Variants in KHDRBS2 observed in about 807,000 individuals in gnomAD.
The protein encoded by KHDRBS2 is KH domain-containing, RNA-binding, signal transduction-associated protein 2.
Under a neutral mutation model 44.3 loss-of-function variants are expected in KHDRBS2, and 26 were observed. The observed-to-expected ratio is 0.59, with a 90% CI of 0.43 to 0.81. The LOEUF (loss-of-function observed/expected upper bound fraction) is 0.81, where lower values mean the gene tolerates loss of function less well. KHDRBS2 is among the 40% of genes least tolerant of loss of function. The probability of loss-of-function intolerance (pLI) is 0.00; values close to 1 mark genes in which losing one functional copy is unlikely to be tolerated. For missense variants in KHDRBS2, 476 were observed against 433.1 expected, an observed-to-expected ratio of 1.10 and a Z score of -0.88; for synonymous variants, 194 against 151.1, an observed-to-expected ratio of 1.28 and a Z score of -2.08.
chr6:61,605,770 A>T, the KHDRBS2 span, among the ~76,000 whole-genome samples: 1 of 152,114 alleles, frequency 6.6e-6, no homozygotes, highest in African/African-American at 2.4e-5. Flanking sequence ...TCACCACCCC[A>T]ACACTTTACC....
At chr6:61,992,959 T>A (rs1345631026) in intron 3 of KHDRBS2, among the ~76,000 whole-genome samples, 1 of 152,146 alleles carries the variant, frequency 6.6e-6, no homozygotes, top group African/African-American at 2.4e-5. Flanking sequence ...ACGGCGTATA[T>A]GGGAGGAAAG....
At chr6:62,061,868 C>T (rs528051269) in intron 2 of KHDRBS2, among the ~76,000 whole-genome samples, 92 of 150,652 alleles carry the variant, frequency 6.1e-4, no homozygotes, top group African/African-American at 2.2e-3. Flanking sequence ...AGGCTTTGCT[C>T]ATTTCTTTTT....
intron 6 of KHDRBS2, among the ~76,000 whole-genome samples, chr6:61,858,247 T>C (rs1796421184): frequency 1.4e-5 from 2 of 144,900 alleles, no homozygotes; most frequent in Non-Finnish European, 3.0e-5. Flanking sequence ...TCATGCAATT[T>C]AAGAAAAAAA....
the KHDRBS2 span, among the ~76,000 whole-genome samples, chr6:61,617,562 A>T: frequency 6.6e-6 from 1 of 152,180 alleles, no homozygotes. Context: ...TGTGATTAGA[A>T]TTAAATGTTA....
At chr6:61,855,516 C>T (rs769488511) in intron 6 of KHDRBS2, among the ~76,000 whole-genome samples, 3 of 151,432 alleles carry the variant, frequency 2.0e-5, no homozygotes, top group Admixed American at 6.6e-5. Flanking sequence ...ATACTAGACC[C>T]TCATGATATA....
At chr6:61,936,825 G>A (rs1811115475) in intron 4 of KHDRBS2, among the ~76,000 whole-genome samples, 1 of 151,928 alleles carries the variant, frequency 6.6e-6, no homozygotes, top group African/African-American at 2.4e-5. Context: ...TCACTGGTGA[G>A]AAATTTGTCA....
the KHDRBS2 span, among the ~76,000 whole-genome samples, chr6:61,644,322 C>G: frequency 1.3e-5 from 2 of 152,118 alleles, no homozygotes; most frequent in Non-Finnish European, 2.9e-5. Context: ...GGATTAAAGA[C>G]TTAAATGTAA....
At chr6:61,594,799 C>T in the KHDRBS2 span, among the ~76,000 whole-genome samples, 1 of 151,992 alleles carries the variant, frequency 6.6e-6, no homozygotes, top group African/African-American at 2.4e-5. Context: ...AGTTTGAGGT[C>T]AAAAAGACTT....
At chr6:61,905,854 C>CTTT (rs10676797) in intron 4 of KHDRBS2, among the ~76,000 whole-genome samples, 3,254 of 114,154 alleles carry the variant, frequency 0.029, 225 homozygotes, top group African/African-American at 0.054. Flanking sequence ...CAAAACTTTT[C>CTTT]TTTTTTTTTT....
At chr6:62,138,134 C>A (rs1462214764) in intron 2 of KHDRBS2, among the ~76,000 whole-genome samples, 2 of 152,150 alleles carry the variant, frequency 1.3e-5, no homozygotes, top group African/African-American at 4.8e-5. Flanking sequence ...ACTTGGAGTT[C>A]AAGCAATCAT....
chr6:62,042,140 T>A (rs1375713072), intron 3 of KHDRBS2, among the ~76,000 whole-genome samples: 1 of 152,090 alleles, frequency 6.6e-6, no homozygotes, highest in Non-Finnish European at 1.5e-5. Flanking sequence ...ATGCTTCTTA[T>A]CACAAGAGCT....
intron 6 of KHDRBS2, among the ~76,000 whole-genome samples, chr6:61,858,258 A>C (rs1796425119): frequency 6.6e-6 from 1 of 151,790 alleles, no homozygotes; most frequent in Non-Finnish European, 1.5e-5. Context: ...AAGAAAAAAA[A>C]AAACTATATA....
the KHDRBS2 span, among the ~76,000 whole-genome samples, chr6:61,668,592 C>A: frequency 6.6e-6 from 1 of 150,906 alleles, no homozygotes; most frequent in Non-Finnish European, 1.5e-5. Flanking sequence ...ATAAACAGTA[C>A]AAGATGGCAA....
chr6:61,661,678 T>A, the KHDRBS2 span, among the ~76,000 whole-genome samples: 1 of 151,726 alleles, frequency 6.6e-6, no homozygotes, highest in African/African-American at 2.4e-5. Context: ...TACCTACGAA[T>A]CCAACTTACA....
chr6:61,590,146 T>G, the KHDRBS2 span, among the ~76,000 whole-genome samples: 1 of 152,204 alleles, frequency 6.6e-6, no homozygotes, highest in Admixed American at 6.5e-5. Flanking sequence ...ATTCCTGGAT[T>G]AGTCATTCTG....
chr6:62,180,051 T>A (rs1367640590), intron 1 of KHDRBS2, among the ~76,000 whole-genome samples: 1 of 151,734 alleles, frequency 6.6e-6, no homozygotes, highest in Non-Finnish European at 1.5e-5. Context: ...AACTTATCAT[T>A]TTTTATGACT....
At chr6:62,149,874 A>G (rs1814731431) in intron 2 of KHDRBS2, among the ~76,000 whole-genome samples, 1 of 152,172 alleles carries the variant, frequency 6.6e-6, no homozygotes, top group Non-Finnish European at 1.5e-5. Flanking sequence ...TTGTGTTCCA[A>G]TCTTTTACAT....
At chr6:61,905,894 C>T (rs1177032925) in intron 4 of KHDRBS2, among the ~76,000 whole-genome samples, 1 of 126,074 alleles carries the variant, frequency 7.9e-6, no homozygotes, top group Non-Finnish European at 1.6e-5. Flanking sequence ...CTCACTCTAT[C>T]GCTCAGGCTG....
the KHDRBS2 span, among the ~76,000 whole-genome samples, chr6:61,597,730 T>TATATATATATATATATA: frequency 6.4e-5 from 2 of 31,398 alleles, no homozygotes; most frequent in East Asian, 1.4e-3. Flanking sequence ...ATTTTGCACC[T>TATATATATATATATATA]TTTATATATA....
Sources: gnomAD v4.1 joint callset for allele counts (sites outside exome capture counted in the v4.1 genomes callset) on GRCh38, gnomAD v4.1.1 for gene constraint, MANE v1.5 for transcripts, NCBI Gene and HGNC (gene_info 2026-07-23, HGNC 2026-07-21) for gene names.